The following LAMP3 variants were observed in gnomAD, a reference collection of about 807,000 sequenced individuals.
LAMP3 encodes lysosome associated membrane protein 3.
A neutral mutation model predicts 34.8 loss-of-function variants in LAMP3; 26 were observed. That is an observed-to-expected ratio of 0.75 (90% CI 0.55 to 1.04). The LOEUF (loss-of-function observed/expected upper bound fraction) is 1.04, where lower values mean the gene tolerates loss of function less well. LAMP3 is among the 50% of genes least tolerant of loss of function. The pLI is 0.00. For missense variants in LAMP3, 495 were observed against 524.0 expected (o/e 0.94, Z 0.54); for synonymous variants, 180 against 201.9 (o/e 0.89, Z 0.92).
At chr3:183,150,445 C>T (rs1720594394) in intron 3 of LAMP3, among the ~76,000 whole-genome samples, 1 of 152,048 alleles carries the variant, frequency 6.6e-6, no homozygotes, top group South Asian at 2.1e-4. Context: ...TTATTGATGC[C>T]TTCCATTAGT....
chr3:183,139,005 G>T (rs1720188646), intron 4 of LAMP3, among the ~76,000 whole-genome samples: 1 of 152,036 alleles, frequency 6.6e-6, no homozygotes, highest in Non-Finnish European at 1.5e-5. Context: ...CTTCAGAGAG[G>T]GCCTTTCTCC....
At chr3:183,159,477 C>T (rs868745479) in intron 1 of LAMP3, among the ~76,000 whole-genome samples, 6 of 152,224 alleles carry the variant, frequency 3.9e-5, no homozygotes, top group Non-Finnish European at 7.3e-5. Context: ...GTCTGCAGAG[C>T]TCTGAGGAGC....
At chr3:183,153,370 T>C (rs1016990137) in intron 2 of LAMP3, among the ~76,000 whole-genome samples, 1 of 152,140 alleles carries the variant, frequency 6.6e-6, no homozygotes, top group African/African-American at 2.4e-5. Context: ...TTAAGTCTTC[T>C]GGAGTGGGAG....
Position 183,132,756 on chromosome 3 carries a change from C to A in LAMP3, c.1117+2961G>T, listed in dbSNP as rs1387402243. The A allele has an allele frequency of 3.0e-6, 3 of 985,290 alleles. No homozygotes were observed. In the African/African-American group the frequency reaches 5.2e-5, roughly 17 times the overall value. 61.0% of individuals were successfully genotyped at this position (985,290 alleles called of 1,614,324 possible). A position where few individuals can be genotyped will look rare whatever the true frequency, so the allele number is the denominator to read the frequency against. On this transcript the variant is annotated intron_variant, in intron 5 of 5. Transcript: ENST00000265598. ...GACAGGTCAATCCTTTCACTTCAGG[C>A]TGAATATGATGCTGGAATTCCCAAG...
At chr3:183,151,398 G>A (rs539038616) in intron 3 of LAMP3, among the ~76,000 whole-genome samples, 80 of 150,882 alleles carry the variant, frequency 5.3e-4, no homozygotes, top group African/African-American at 1.8e-3. Flanking sequence ...TTGAGCATCC[G>A]CCACTTCCCG....
chr3:183,153,578 G>A (rs987152569), intron 2 of LAMP3, 104 bp downstream of exon 2: 61 of 730,910 alleles, frequency 8.3e-5, no homozygotes, highest in Non-Finnish European at 7.6e-5. Flanking sequence ...ACAGCTATTG[G>A]TTTCATTTAA....
rs139429240 is a variant in LAMP3, at chr3:183,154,289, G to T, written c.152C>A (p.Pro51His). The T allele has an allele frequency of 1.3e-5, 21 of 1,613,966 alleles. No individual in the cohort carries two copies. The highest frequency in any genetic ancestry group is 1.8e-5 in the Non-Finnish European group (21 of 1,179,998). ...AAATVQDIKK[P>H]VQQPAKQAPH... ...TGCTTGCTTAGCTGGTTGCTGGACA[G>T]GTTTTTTTATGTCCTGTACTGTTGC... Residue 51 changes from proline to histidine, a missense_variant, in exon 2 of 6, where the codon CCT becomes CAT. Pro to His is a moderately conservative substitution (Grantham distance 77, BLOSUM62 -2). Transcript: ENST00000265598.
At chr3:183,128,281 A>C (rs1238398766) in intron 5 of LAMP3, among the ~76,000 whole-genome samples, 1 of 152,126 alleles carries the variant, frequency 6.6e-6, no homozygotes, top group Non-Finnish European at 1.5e-5. Context: ...CCCTGTCCCC[A>C]TTAGATGATT....
At chr3:183,152,920 T>C (rs1051605169) in intron 2 of LAMP3, among the ~76,000 whole-genome samples, 3 of 152,182 alleles carry the variant, frequency 2.0e-5, no homozygotes, top group Non-Finnish European at 4.4e-5. Flanking sequence ...CTCATGCCTG[T>C]AATCCCAGCA....
intron 3 of LAMP3, among the ~76,000 whole-genome samples, chr3:183,148,919 G>C (rs1436503853): frequency 2.0e-5 from 3 of 152,196 alleles, no homozygotes; most frequent in Non-Finnish European, 2.9e-5. Flanking sequence ...GTTCACAACA[G>C]CTAAGGTTTG....
At chr3:183,135,074 C>T (rs1720041369) in intron 5 of LAMP3, among the ~76,000 whole-genome samples, 1 of 152,206 alleles carries the variant, frequency 6.6e-6, no homozygotes, top group East Asian at 1.9e-4. Context: ...CTGCTCTTGG[C>T]CCTTGCCCAG....
intron 3 of LAMP3, among the ~76,000 whole-genome samples, chr3:183,145,192 G>A (rs1198898409): frequency 6.6e-6 from 1 of 152,188 alleles, no homozygotes; most frequent in African/African-American, 2.4e-5. Context: ...TGAACTGGAA[G>A]GGTCTGAACA....
intron 4 of LAMP3, among the ~76,000 whole-genome samples, chr3:183,136,418 G>A (rs555720485): frequency 1.3e-5 from 2 of 152,222 alleles, no homozygotes; most frequent in African/African-American, 4.8e-5. Flanking sequence ...TTGGGAGGCC[G>A]AGGCGGTCAG....
At chr3:183,156,243 C>A (rs1248531883) in intron 1 of LAMP3, among the ~76,000 whole-genome samples, 1 of 152,156 alleles carries the variant, frequency 6.6e-6, no homozygotes, top group Non-Finnish European at 1.5e-5. Flanking sequence ...TGCCTGTAAT[C>A]CCAGCTACTT....
chr3:183,146,377 A>C (rs926783001), intron 3 of LAMP3, among the ~76,000 whole-genome samples: 1 of 152,198 alleles, frequency 6.6e-6, no homozygotes, highest in African/African-American at 2.4e-5. Flanking sequence ...GGTTGAGTCC[A>C]TTTCTCTTTT....
intron 5 of LAMP3, among the ~76,000 whole-genome samples, chr3:183,128,001 A>G (rs972651819): frequency 1.3e-5 from 2 of 152,062 alleles, no homozygotes; most frequent in Non-Finnish European, 1.5e-5. Flanking sequence ...ATAAAAAAAT[A>G]ACCAGTTGTG....
chr3:183,162,805 G>A, upstream of LAMP3: 5 of 708,822 alleles, frequency 7.1e-6, no homozygotes, highest in Non-Finnish European at 1.1e-5. Context: ...GGGCGGGGAG[G>A]GAAACTCCGC....
At chr3:183,127,709 C>A (rs533830004) in intron 5 of LAMP3, among the ~76,000 whole-genome samples, 1 of 152,182 alleles carries the variant, frequency 6.6e-6, no homozygotes, top group Non-Finnish European at 1.5e-5. Context: ...AGCCGCCCCC[C>A]AAGCCCTGTG....
At position 183,152,368 on chromosome 3, in the gene LAMP3, G is replaced by C. The variant is rs780105881; in HGVS notation, c.888+7C>G. On this transcript the variant is annotated splice_region_variant and intron_variant, in intron 3 of 5. Transcript: ENST00000265598. ...ATGCAGTTTGTGCAAAGGAGCTCAGGCCTCACCTTGGTAAATGTGAGATTC... is the reference window on the plus strand; with the variant it reads ...ATGCAGTTTGTGCAAAGGAGCTCAGCCCTCACCTTGGTAAATGTGAGATTC... 2 of 1,604,840 alleles carry C rather than the reference G, an allele frequency of 1.2e-6. No homozygotes were observed. The highest frequency in any genetic ancestry group is 2.2e-5 in the South Asian group (2 of 89,526).
Sources: allele counts gnomAD v4.1 joint callset (sites outside exome capture counted in the v4.1 genomes callset), GRCh38; gene constraint gnomAD v4.1.1; transcripts MANE v1.5; gene names NCBI Gene and HGNC (gene_info 2026-07-23, HGNC 2026-07-21).